Variants in TLL2 observed in about 807,000 individuals in gnomAD.
The protein encoded by TLL2 is tolloid-like protein 2.
A neutral mutation model predicts 123.0 loss-of-function variants in TLL2; 106 were observed. The ratio of observed to expected loss-of-function variants is 0.86; its 90% CI spans 0.74 to 1.01. The LOEUF (loss-of-function observed/expected upper bound fraction) is 1.01, where lower values mean the gene tolerates loss of function less well. Ranked by LOEUF, TLL2 falls within the 50% of genes least tolerant of loss-of-function variation. The pLI is 0.00. For missense variants in TLL2, 1,332 were observed against 1,336.7 expected, an observed-to-expected ratio of 1.00 and a Z score of 0.06; for synonymous variants, 494 against 516.8, an observed-to-expected ratio of 0.96 and a Z score of 0.60.
chr10:96,366,467 TTAA>T lies in TLL2; in HGVS notation c.*1618_*1620del, dbSNP rs1363513914. The stretch of plus-strand genomic sequence containing the variant: ...CATACATATATACAGACATATATTA[TTAA>T]TAATACTTTAATTTTTTTCTGTTTT... On this transcript the variant is annotated 3_prime_UTR_variant, in exon 21 of 21. Coordinates refer to ENST00000357947, the MANE Select transcript of TLL2 (RefSeq NM_012465.4). 1 of 152,686 alleles carries T rather than the reference TTAA, an allele frequency of 6.5e-6. No homozygotes were observed. Among genetic ancestry groups the T allele is most frequent in the Non-Finnish European group, 1.5e-5 (1 of 68,044 alleles). The allele number at this position is 152,686 out of a possible 1,614,324, so 9.5% of individuals were successfully genotyped here.
chr10:96,497,752 AG>A (rs1352787298), intron 1 of TLL2, among the ~76,000 whole-genome samples: 1 of 152,194 alleles, frequency 6.6e-6, no homozygotes, highest in African/African-American at 2.4e-5. Flanking sequence ...CCCTTCGTGA[AG>A]GTCTCTTCAT....
chr10:96,492,324 A>G (rs1435145838), intron 1 of TLL2, among the ~76,000 whole-genome samples: 1 of 152,054 alleles, frequency 6.6e-6, no homozygotes, highest in Non-Finnish European at 1.5e-5. Context: ...AGTCTCTCTA[A>G]TTCCAAAATC....
chr10:96,390,416 G>A (rs1445129534), intron 13 of TLL2, among the ~76,000 whole-genome samples: 2 of 152,236 alleles, frequency 1.3e-5, no homozygotes, highest in Non-Finnish European at 2.9e-5. Flanking sequence ...CAGCCCTTGA[G>A]TGCTGCTGCC....
At chr10:96,415,697 CTAGCTAT>C (rs1245584327) in intron 7 of TLL2, among the ~76,000 whole-genome samples, 2 of 142,016 alleles carry the variant, frequency 1.4e-5, no homozygotes, top group African/African-American at 5.3e-5. Flanking sequence ...CATATGTCAC[CTAGCTAT>C]TAGCTGTGCA....
rs545618506 is a variant in TLL2 at position 96,404,149 on chromosome 10, G to T, written c.1267+1083C>A. 4.6e-5 allele frequency among the ~76,000 whole-genome samples: 7 copies of T among 152,298 alleles called. No individual in the cohort carries two copies. In the South Asian group the frequency reaches 1.5e-3, roughly 32 times the overall value. ...CAGGTCCTTGGTGTGCTGAGTGCCG[G>T]TCCCCTGGGCCCACTGTTGTTTCTC... On this transcript the variant is annotated intron_variant, in intron 10 of 20. Transcript: ENST00000357947.
In TLL2 at chr10:96,370,201, T is replaced by A; in HGVS notation, c.2777A>T (p.Glu926Val). ...TGTCAGCTCCACGCCGTAGCCGTCC[T>A]CTGCCACGATCACCCAGTCACAGCG... ...EARCDWVIVA[E>V]DGYGVELTFR... The change falls in exon 20 of 21, where the codon GAG becomes GTG. Residue 926 changes from glutamate (E) to valine (V), a missense_variant. Physicochemically the swap from Glu to Val is moderately radical, Grantham distance 121 (BLOSUM62 -2). Transcript: ENST00000357947. The A allele has an allele frequency of 6.2e-7, 1 of 1,614,114 alleles. No homozygotes were observed. Among genetic ancestry groups the A allele is most frequent in the Non-Finnish European group, 8.5e-7 (1 of 1,179,976 alleles).
Position 96,470,175 on chromosome 10 carries a change from C to T in TLL2, c.286+10174G>A, listed in dbSNP as rs1191076080. 2.6e-5 allele frequency among the ~76,000 whole-genome samples: 4 copies of T among 152,248 alleles called. No individual in the cohort carries two copies. In the East Asian group the frequency reaches 7.7e-4, roughly 29 times the overall value. ...GGCTAAAGGGTCTCCTTTCCAGACA[C>T]TCTCTGCAAGGTGATGTGGGCCTGC... On this transcript the variant is annotated intron_variant, in intron 2 of 20. Transcript: ENST00000357947.
chr10:96,380,454 G>A (rs1846175737), intron 16 of TLL2, among the ~76,000 whole-genome samples: 3 of 151,958 alleles, frequency 2.0e-5, no homozygotes, highest in Admixed American at 2.0e-4. Flanking sequence ...CAAGGCAGGC[G>A]GATCACGAGA....
intron 1 of TLL2, among the ~76,000 whole-genome samples, chr10:96,492,403 C>T (rs1170405768): frequency 6.6e-6 from 1 of 152,174 alleles, no homozygotes; most frequent in Non-Finnish European, 1.5e-5. Flanking sequence ...GTGGGTGGGT[C>T]ACCTGAGGTC....
At chr10:96,402,378 T>C (rs7904914) in intron 10 of TLL2, among the ~76,000 whole-genome samples, 87,196 of 152,042 alleles carry the variant, frequency 0.57, 25,529 homozygotes, top group East Asian at 0.85. Flanking sequence ...CTGACCCAAT[T>C]TGTGGGGATT....
At chr10:96,403,247 C>A (rs1246758747) in intron 10 of TLL2, among the ~76,000 whole-genome samples, 1 of 152,160 alleles carries the variant, frequency 6.6e-6, no homozygotes, top group Non-Finnish European at 1.5e-5. Context: ...AGGCTAACCT[C>A]CCCTGTCATC....
At chr10:96,464,813 C>CA (rs1240184008) in intron 2 of TLL2, among the ~76,000 whole-genome samples, 1 of 152,078 alleles carries the variant, frequency 6.6e-6, no homozygotes, top group Non-Finnish European at 1.5e-5. Context: ...AAATATACCC[C>CA]AAAATAAAGT....
At chr10:96,472,418 CA>C (rs1371785535) in intron 2 of TLL2, among the ~76,000 whole-genome samples, 1 of 152,166 alleles carries the variant, frequency 6.6e-6, no homozygotes, top group Non-Finnish European at 1.5e-5. Flanking sequence ...AATGTCTGCA[CA>C]GGGGCAGAGG....
intron 13 of TLL2, 32 bp from the exon 14 acceptor site, chr10:96,387,110 T>C (rs780609028): frequency 1.0e-5 from 16 of 1,605,336 alleles, no homozygotes; most frequent in Non-Finnish European, 1.2e-5. Flanking sequence ...CCCGGTTACA[T>C]TGTCAGGAAG....
intron 13 of TLL2, among the ~76,000 whole-genome samples, chr10:96,387,865 C>A (rs1214857904): frequency 6.6e-6 from 1 of 152,118 alleles, no homozygotes; most frequent in African/African-American, 2.4e-5. Context: ...AAAGAAAAAC[C>A]AAAACACATG....
At chr10:96,440,774 C>G (rs369063361) in intron 3 of TLL2, among the ~76,000 whole-genome samples, 1 of 152,132 alleles carries the variant, frequency 6.6e-6, no homozygotes, top group African/African-American at 2.4e-5. Flanking sequence ...TGACAGCTTC[C>G]CCTTTGGTCC....
In TLL2 at chr10:96,405,336, T is replaced by G. The variant is rs766990287; in HGVS notation, c.1165-2A>C. ...CATGGATGTGAAGTTTAATACGATC[T>G]GTAAAGAATTACCATAAAGTGAGTT... On this transcript the variant is annotated splice_acceptor_variant, in intron 9 of 20. Transcript: ENST00000357947. LOFTEE classifies it high-confidence loss of function. 1 of 1,613,972 alleles carries G rather than the reference T, an allele frequency of 6.2e-7. No homozygotes were observed. Among genetic ancestry groups the G allele is most frequent in the Non-Finnish European group, 8.5e-7 (1 of 1,179,864 alleles).
intron 13 of TLL2, among the ~76,000 whole-genome samples, chr10:96,390,683 C>T (rs74919602): frequency 0.021 from 3,193 of 152,330 alleles, 127 homozygotes; most frequent in African/African-American, 0.073. Context: ...TTCTGACACA[C>T]GTGCTAGGTA....
chr10:96,422,807 A>C, intron 5 of TLL2, 80 bp from the exon 6 acceptor site: 1 of 1,516,494 alleles, frequency 6.6e-7, no homozygotes. Flanking sequence ...CCCACTCTGT[A>C]TGTGTGTGCG....
Sources: gnomAD v4.1 joint callset for allele counts (sites outside exome capture counted in the v4.1 genomes callset) on GRCh38, gnomAD v4.1.1 for gene constraint, MANE v1.5 for transcripts, NCBI Gene and HGNC (gene_info 2026-07-23, HGNC 2026-07-21) for gene names.